PC: variants seen among roughly 807,000 people sequenced by gnomAD.
PC encodes the protein pyruvate carboxylase, mitochondrial.
Under a neutral mutation model 107.8 loss-of-function variants are expected in PC, and 46 were observed. The ratio of observed to expected loss-of-function variants is 0.43; its 90% confidence interval spans 0.34 to 0.55. The LOEUF (loss-of-function observed/expected upper bound fraction) is 0.55. Ranked by LOEUF, PC falls within the 20% of genes least tolerant of loss-of-function variation. The pLI is 0.04. For synonymous variants in PC, 662 were observed against 684.7 expected (o/e 0.97, Z 0.52); for missense variants, 1,241 against 1,643.1 (o/e 0.76, Z 4.23).
intron 3 of PC, among the ~76,000 whole-genome samples, chr11:66,928,394 A>AC (rs1356895631): frequency 6.6e-6 from 1 of 151,692 alleles, no homozygotes; most frequent in African/African-American, 2.4e-5. Flanking sequence ...TCAAAAAAAA[A>AC]AAAAAAAACA....
intron 13 of PC, 42 bp downstream of exon 13, chr11:66,853,197 G>C: frequency 1.2e-6 from 2 of 1,602,282 alleles, no homozygotes. Context: ...ATTGGAGAGC[G>C]GAGGGGAGGG....
intron 3 of PC, among the ~76,000 whole-genome samples, chr11:66,951,358 G>C (rs898463457): frequency 6.6e-6 from 1 of 152,136 alleles, no homozygotes; most frequent in Non-Finnish European, 1.5e-5. Flanking sequence ...GAGGGGACTG[G>C]ACTAGCAGGG....
chr11:66,904,325 G>A (rs1433332025), intron 3 of PC, among the ~76,000 whole-genome samples: 1 of 152,088 alleles, frequency 6.6e-6, no homozygotes, highest in Non-Finnish European at 1.5e-5. Flanking sequence ...AAAGCAGCCA[G>A]GGTCCCTGCC....
In PC at chr11:66,866,219, G is replaced by A. The variant is rs773109008; in HGVS notation, c.1153C>T (p.Arg385Cys). ...CGGCCGGTGTCCGGCTGGAAGCTGC[G>A]CGCGGGGTCCTCGGTGGTGACCCGG... ...QCRVTTEDPA[R>C]SFQPDTGRIE... The change falls in exon 11 of 23, where the codon CGC becomes TGC. Residue 385 changes from arginine (R) to cysteine (C), a missense_variant. By Grantham distance (180) the Arg-to-Cys change is radical (BLOSUM62 -3). Coordinates refer to ENST00000393960, the MANE Select transcript of PC (RefSeq NM_001040716.2). This position sits in a 1 kb window ranked among gnomAD's most constrained non-coding sequence, Gnocchi z 5.4. 1.7e-5 allele frequency: 27 copies of A among 1,611,270 alleles called. No individual in the cohort carries two copies. In the Admixed American group the frequency reaches 3.0e-4, roughly 18 times the overall value.
In PC at chr11:66,858,765, A is replaced by T; in HGVS notation, c.1368+5009T>A. ...CAACGGGACCTTAGAGATTGGGGTG[A>T]CCGGCGCTGGGGACGCTGGGGGCTA... On this transcript the variant is annotated intron_variant, in intron 12 of 22. Transcript: ENST00000393960. This position sits in a 1 kb window ranked among gnomAD's most constrained non-coding sequence, Gnocchi z 5.9. The T allele has an allele frequency of 6.4e-7, 1 of 1,551,552 alleles. No individual in the cohort carries two copies. The highest frequency in any genetic ancestry group is 8.7e-7 in the Non-Finnish European group (1 of 1,147,872).
chr11:66,888,003 G>A (rs1013108478), intron 3 of PC, among the ~76,000 whole-genome samples: 10 of 152,320 alleles, frequency 6.6e-5, no homozygotes, highest in Admixed American at 3.9e-4. Flanking sequence ...TCTCCACATC[G>A]CCTTCTCCTC....
chr11:66,861,924 T>C (rs1360480611), intron 12 of PC, among the ~76,000 whole-genome samples: 1 of 152,066 alleles, frequency 6.6e-6, no homozygotes, highest in African/African-American at 2.4e-5. Flanking sequence ...GCTGCACCCC[T>C]AGCAGGCGCA....
intron 3 of PC, among the ~76,000 whole-genome samples, chr11:66,874,059 G>A (rs563209988): frequency 2.8e-4 from 42 of 151,422 alleles, no homozygotes; most frequent in Admixed American, 2.0e-4. Context: ...TCCTGGGTTC[G>A]AGTGATTCTC....
chr11:66,948,054 G>C (rs1396659791), intron 3 of PC, among the ~76,000 whole-genome samples: 1 of 147,972 alleles, frequency 6.8e-6, no homozygotes, highest in Non-Finnish European at 1.5e-5. Context: ...TAGATAGATA[G>C]ATAGATAGAT....
intron 3 of PC, among the ~76,000 whole-genome samples, chr11:66,904,506 CA>C (rs1357641339): frequency 1.3e-5 from 2 of 152,200 alleles, no homozygotes; most frequent in Non-Finnish European, 2.9e-5. Context: ...TGCATGGTGG[CA>C]TGCGCCTGTA....
intron 3 of PC, among the ~76,000 whole-genome samples, chr11:66,931,169 A>G (rs1401582511): frequency 6.6e-6 from 1 of 151,902 alleles, no homozygotes; most frequent in Non-Finnish European, 1.5e-5. Flanking sequence ...ACCTGAGGTC[A>G]GGGGTTCAAG....
At chr11:66,933,099 A>G (rs1948902359) in intron 3 of PC, among the ~76,000 whole-genome samples, 1 of 152,106 alleles carries the variant, frequency 6.6e-6, no homozygotes, top group African/African-American at 2.4e-5. Flanking sequence ...AGGCAGTTTC[A>G]GCTTCCACCT....
In PC at chr11:66,858,613, T is replaced by C; in HGVS notation, c.1368+5161A>G. ...CTCATTGCCCGCCACACGCAGCGCC[T>C]CTGGGTGCTGGAAGGCCAGCGGGCC... On this transcript the variant is annotated intron_variant, in intron 12 of 22. Transcript: ENST00000393960. The surrounding 1 kb of genome is among the most constrained non-coding windows in gnomAD (Gnocchi z 5.9). The C allele has an allele frequency of 6.5e-7, 1 of 1,535,982 alleles. No homozygotes were observed. Among genetic ancestry groups the C allele is most frequent in the Non-Finnish European group, 8.7e-7 (1 of 1,144,124 alleles).
chr11:66,865,307 C>T (rs547094365), intron 11 of PC, among the ~76,000 whole-genome samples: 80 of 152,372 alleles, frequency 5.3e-4, no homozygotes, highest in Middle Eastern at 3.4e-3. Context: ...CACACAAGCC[C>T]GGGGGCCTCT....
rs1399370423 is a variant in PC, at chr11:66,866,945, TG to T, written c.1023-597del. ...CCTGTCCTTCTGAGGCCTGTTTTCCTGCTGGACTTGTGCCCAAAACCCCCTA... is the reference window on the plus strand; with the variant it reads ...CCTGTCCTTCTGAGGCCTGTTTTCCTCTGGACTTGTGCCCAAAACCCCCTA... On this transcript the variant is annotated intron_variant, in intron 10 of 22. Transcript: ENST00000393960. The surrounding 1 kb of genome is among the most constrained non-coding windows in gnomAD (Gnocchi z 5.4). Among the ~76,000 whole-genome samples, 1 of 152,236 alleles carries T rather than the reference TG, an allele frequency of 6.6e-6. No individual in the cohort carries two copies. The highest frequency in any genetic ancestry group is 2.4e-5 in the African/African-American group (1 of 41,454).
chr11:66,859,961 C>A, intron 12 of PC: 1 of 1,601,766 alleles, frequency 6.2e-7, no homozygotes, highest in Non-Finnish European at 8.5e-7. Flanking sequence ...ACGTCCAGTC[C>A]CAGACCAATG....
intron 3 of PC, among the ~76,000 whole-genome samples, chr11:66,884,887 G>T (rs2135992058): frequency 6.6e-6 from 1 of 152,302 alleles, no homozygotes; most frequent in South Asian, 2.1e-4. Context: ...GACAATCTTT[G>T]CAGGGAGGAA....
At chr11:66,869,935 A>G (rs1392355361) in intron 9 of PC, among the ~76,000 whole-genome samples, 1 of 152,236 alleles carries the variant, frequency 6.6e-6, no homozygotes, top group Non-Finnish European at 1.5e-5. Context: ...GACTGCCTTC[A>G]TAATGGTCCT....
intron 3 of PC, among the ~76,000 whole-genome samples, chr11:66,922,553 TAAAAAAAA>T (rs1198835228): frequency 2.4e-5 from 2 of 84,362 alleles, no homozygotes; most frequent in African/African-American, 4.5e-5. Flanking sequence ...GACTTTGTCT[TAAAAAAAA>T]AAAAAAAAAA....
Sources: gnomAD v4.1 joint callset for allele counts (sites outside exome capture counted in the v4.1 genomes callset) on GRCh38, gnomAD v4.1.1 for gene constraint, Gnocchi (gnomAD v3.1) non-coding constraint, MANE v1.5 for transcripts, NCBI Gene and HGNC (gene_info 2026-07-23, HGNC 2026-07-21) for gene names.